Variants in AKAP6 observed in about 807,000 individuals in gnomAD.
AKAP6 encodes A-kinase anchor protein 6.
In AKAP6, 58 loss-of-function variants were observed where a neutral mutation model predicts 188.5. The ratio of observed to expected loss-of-function variants is 0.31; its 90% CI spans 0.25 to 0.38. AKAP6 has a LOEUF of 0.38. AKAP6 is among the 10% of genes least tolerant of loss of function. The pLI is 1.00. For synonymous variants in AKAP6, 989 were observed against 998.6 expected, an observed-to-expected ratio of 0.99 and a Z score of 0.18; for missense variants, 2,710 against 2,740.0, an observed-to-expected ratio of 0.99 and a Z score of 0.24.
rs200427596 is a variant in AKAP6, at chr14:32,456,184, T to G, written c.324+22367T>G. On this transcript the variant is annotated intron_variant, in intron 2 of 13. Coordinates refer to ENST00000280979, the MANE Select transcript of AKAP6 (RefSeq NM_004274.5). ...ATAGTGCTAATACCGATGGGATCCATGGAAATTGGCCTAAATGTTTTCACG... is the reference window on the plus strand; with the variant it reads ...ATAGTGCTAATACCGATGGGATCCAGGGAAATTGGCCTAAATGTTTTCACG... Among the ~76,000 whole-genome samples the G allele has an allele frequency of 5.5e-4, 84 of 152,286 alleles. No homozygotes were observed. In the East Asian group the frequency reaches 9.5e-3, roughly 17 times the overall value.
intron 7 of AKAP6, among the ~76,000 whole-genome samples, chr14:32,671,367 G>C (rs1889185729): frequency 6.6e-6 from 1 of 152,112 alleles, no homozygotes; most frequent in African/African-American, 2.4e-5. Context: ...GAAAGAGGAG[G>C]TTTGTTGTAA....
chr14:32,640,270 T>G (rs1212418352), intron 7 of AKAP6, among the ~76,000 whole-genome samples: 1 of 152,134 alleles, frequency 6.6e-6, no homozygotes, highest in Admixed American at 6.6e-5. Context: ...GATATTTCAT[T>G]AGCTTCTCAG....
intron 9 of AKAP6, 136 bp downstream of exon 9, chr14:32,696,246 C>T: frequency 8.5e-7 from 1 of 1,171,092 alleles, no homozygotes; most frequent in African/African-American, 1.6e-5. Context: ...TCCCTGTCCC[C>T]AAACTCATTT....
chr14:32,495,066 C>T (rs1206471979), intron 2 of AKAP6: 1 of 152,178 alleles, frequency 6.6e-6, no homozygotes, highest in Non-Finnish European at 1.5e-5. Context: ...TGAAATTCCA[C>T]TTAGCAGTCT....
chr14:32,580,660 G>A (rs150893079), intron 5 of AKAP6, among the ~76,000 whole-genome samples: 92 of 152,140 alleles, frequency 6.0e-4, no homozygotes, highest in African/African-American at 2.0e-3. Flanking sequence ...CCATTAACTT[G>A]TCATTTAGCA....
intron 2 of AKAP6, among the ~76,000 whole-genome samples, chr14:32,438,388 A>G (rs145009400): frequency 2.0e-4 from 30 of 152,076 alleles, no homozygotes; most frequent in African/African-American, 7.2e-4. Context: ...ACCCAGAGAC[A>G]CTCTTTTTCT....
At chr14:32,420,152 T>G (rs977344405) in intron 1 of AKAP6, among the ~76,000 whole-genome samples, 1 of 152,182 alleles carries the variant, frequency 6.6e-6, no homozygotes, top group Non-Finnish European at 1.5e-5. Context: ...CAGCCTCTCT[T>G]CTTTTCCATT....
At chr14:32,614,431 A>G (rs1360669948) in intron 7 of AKAP6, among the ~76,000 whole-genome samples, 1 of 152,210 alleles carries the variant, frequency 6.6e-6, no homozygotes, top group African/African-American at 2.4e-5. Context: ...ATGCCTTGAA[A>G]TAGAAGCTCT....
intron 1 of AKAP6, among the ~76,000 whole-genome samples, chr14:32,381,717 C>T (rs1327715463): frequency 6.6e-6 from 1 of 152,082 alleles, no homozygotes; most frequent in Non-Finnish European, 1.5e-5. Flanking sequence ...CCTTTAGTTA[C>T]CCCTATTCCT....
rs2031389099 is a variant in AKAP6 at position 32,735,724 on chromosome 14, C to T, written c.3214C>T (p.Leu1072Phe). The change falls in exon 11 of 14, where the codon CTC becomes TTC. Residue 1072 changes from leucine (L) to phenylalanine (F), a missense_variant. Leu to Phe is a conservative substitution (Grantham distance 22, BLOSUM62 0). Coordinates refer to ENST00000280979, the MANE Select transcript of AKAP6 (RefSeq NM_004274.5). ...GHSGSSPRDL[L>F]SPESGSLVRQ... ...CAGTGGGTCGAGTCCACGTGACCTG[C>T]TCTCTCCTGAAAGTGGAAGCCTGGT... 1 of 1,613,290 alleles carries T rather than the reference C, an allele frequency of 6.2e-7. No homozygotes were observed. The highest frequency in any genetic ancestry group is 1.3e-5 in the African/African-American group (1 of 74,800).
intron 2 of AKAP6, among the ~76,000 whole-genome samples, chr14:32,515,729 T>A (rs903295915): frequency 1.3e-5 from 2 of 152,176 alleles, no homozygotes; most frequent in African/African-American, 4.8e-5. Context: ...TCTAGATACA[T>A]TTTTTGCTTC....
chr14:32,809,571 A>T (rs2140110999), intron 12 of AKAP6, among the ~76,000 whole-genome samples: 1 of 152,316 alleles, frequency 6.6e-6, no homozygotes, highest in Non-Finnish European at 1.5e-5. Context: ...TTATGGGTAC[A>T]CTGTGTAAAT....
At chr14:32,392,574 AC>A (rs1029221885) in intron 1 of AKAP6, among the ~76,000 whole-genome samples, 51 of 152,268 alleles carry the variant, frequency 3.3e-4, no homozygotes, top group African/African-American at 1.2e-3. Flanking sequence ...GTTTCTAAAT[AC>A]CTTTTCCAAA....
chr14:32,572,149 G>T (rs1956209), intron 4 of AKAP6, among the ~76,000 whole-genome samples: 62,647 of 151,990 alleles, frequency 0.41, 13,042 homozygotes, highest in Middle Eastern at 0.46. Context: ...AGAGGGTGGT[G>T]TGGTACAGTG....
At chr14:32,336,431 A>G (rs960736241) in intron 1 of AKAP6, among the ~76,000 whole-genome samples, 2 of 152,170 alleles carry the variant, frequency 1.3e-5, no homozygotes, top group African/African-American at 4.8e-5. Context: ...AGTAGTCAAC[A>G]ATTGACAAAT....
At chr14:32,549,146 A>ATT (rs1395765397) in intron 4 of AKAP6, among the ~76,000 whole-genome samples, 1 of 152,184 alleles carries the variant, frequency 6.6e-6, no homozygotes, top group East Asian at 1.9e-4. Flanking sequence ...TATTAACCTT[A>ATT]TTTTATGGCT....
intron 7 of AKAP6, among the ~76,000 whole-genome samples, chr14:32,631,860 C>T (rs1253808946): frequency 6.6e-6 from 1 of 152,076 alleles, no homozygotes; most frequent in Non-Finnish European, 1.5e-5. Context: ...AATGTTCTTT[C>T]ATAAGCATGG....
At chr14:32,671,490 TCTA>T (rs1428846553) in intron 7 of AKAP6, among the ~76,000 whole-genome samples, 2 of 145,252 alleles carry the variant, frequency 1.4e-5, no homozygotes, top group Admixed American at 6.7e-5. Context: ...TCTTTTTCTC[TCTA>T]TTTTTTTTTT....
intron 2 of AKAP6, among the ~76,000 whole-genome samples, chr14:32,470,799 T>C (rs1468383166): frequency 6.6e-6 from 1 of 152,212 alleles, no homozygotes; most frequent in East Asian, 1.9e-4. Flanking sequence ...GTCTAAATTT[T>C]CTTTTACCCA....
Sources: allele counts gnomAD v4.1 joint callset (sites outside exome capture counted in the v4.1 genomes callset), GRCh38; gene constraint gnomAD v4.1.1; transcripts MANE v1.5; gene names NCBI Gene and HGNC (gene_info 2026-07-23, HGNC 2026-07-21).